Variants in TFAP2D observed in about 807,000 individuals in gnomAD.
TFAP2D encodes transcription factor AP-2 delta.
A neutral mutation model predicts 43.6 loss-of-function variants in TFAP2D; 9 were observed. The observed-to-expected ratio is 0.21, with a 90% CI of 0.12 to 0.36. The LOEUF (loss-of-function observed/expected upper bound fraction) is 0.36, where lower values mean the gene tolerates loss of function less well. Among genes scored for constraint, TFAP2D ranks in the 10% least tolerant of loss-of-function variants. The pLI, the probability that TFAP2D is intolerant of heterozygous loss-of-function variation, is 1.00. For synonymous variants in TFAP2D, 256 were observed against 224.9 expected, an observed-to-expected ratio of 1.14 and a Z score of -1.24; for missense variants, 513 against 561.4, an observed-to-expected ratio of 0.91 and a Z score of 0.87.
rs1321330961 is a variant in TFAP2D at position 50,751,298 on chromosome 6, C to T, written c.1113C>T (p.Asp371=). ...GACCCACTCCAATTCTAGACCTTGA[C>T]ATCCAGAGACATTTAACACATTTCA... The part of the protein sequence containing the change: ...SSRPTPILDL[D]IQRHLTHFSL... Residue 371 remains aspartate (D), a synonymous_variant, in exon 7 of 8, where the codon GAC becomes GAT. Transcript: ENST00000008391. The T allele has an allele frequency of 1.2e-6, 2 of 1,611,062 alleles. No individual in the cohort carries two copies. The highest frequency in any genetic ancestry group is 1.7e-6 in the Non-Finnish European group (2 of 1,177,860).
intron 7 of TFAP2D, among the ~76,000 whole-genome samples, chr6:50,769,670 G>A (rs943605442): frequency 1.3e-5 from 2 of 152,192 alleles, no homozygotes; most frequent in African/African-American, 4.8e-5. Context: ...CAAGTACAAA[G>A]TTAAGTCAGA....
intron 5 of TFAP2D, among the ~76,000 whole-genome samples, chr6:50,731,250 A>G (rs908850527): frequency 2.6e-5 from 4 of 152,082 alleles, no homozygotes; most frequent in Admixed American, 2.6e-4. Context: ...TAATGAAACA[A>G]GATTTTATCC....
At chr6:50,721,083 G>A (rs142863146) in intron 3 of TFAP2D, among the ~76,000 whole-genome samples, 1 of 152,152 alleles carries the variant, frequency 6.6e-6, no homozygotes, top group Admixed American at 6.5e-5. Flanking sequence ...AAGCTCTTAG[G>A]TATCTCCAAA....
In TFAP2D at chr6:50,772,812, G is replaced by A. The variant is rs753353357; in HGVS notation, c.1307G>A (p.Arg436Gln). Residue 436 changes from arginine to glutamine, a missense_variant, in exon 8 of 8, where the codon CGG becomes CAG. By Grantham distance (43) the Arg-to-Gln change is conservative (BLOSUM62 1). This residue lies in a region of TFAP2D where 199 missense variants were observed against 227.9 expected (regional missense o/e 0.87). Coordinates refer to ENST00000008391, the MANE Select transcript of TFAP2D (RefSeq NM_172238.4). ...GCCAACTCGGAGAAAGCTCCCCTGC[G>A]GAAAACTTCAGAGGCTGCCGTGAAA... is the stretch of plus-strand genomic sequence containing the variant. ...GHANSEKAPL[R>Q]KTSEAAVKEG... is the part of the protein sequence containing the mutation. The A allele has an allele frequency of 8.7e-6, 14 of 1,613,968 alleles. 1 individual carries two copies. Among genetic ancestry groups the A allele is most frequent in the African/African-American group, 4.0e-5 (3 of 75,002 alleles).
At chr6:50,768,273 C>CT (rs67686384) in intron 7 of TFAP2D, among the ~76,000 whole-genome samples, 25,767 of 77,280 alleles carry the variant, frequency 0.33, 4,245 homozygotes, top group East Asian at 0.46. Context: ...TTCTAATTTT[C>CT]TTTTTTTTTT....
chr6:50,714,570 A>G (rs961165702), intron 1 of TFAP2D, among the ~76,000 whole-genome samples: 2 of 152,110 alleles, frequency 1.3e-5, no homozygotes, highest in African/African-American at 4.8e-5. Flanking sequence ...AAGTTGAACG[A>G]TTTGCACAGA....
In TFAP2D at chr6:50,715,500, C is replaced by G. The variant is rs773433929; in HGVS notation, c.424C>G (p.Arg142Gly). Residue 142 changes from arginine to glycine, a missense_variant, in exon 2 of 8, where the codon CGC becomes GGC. Physicochemically the swap from Arg to Gly is moderately radical, Grantham distance 125 (BLOSUM62 -2). Transcript: ENST00000008391. The part of the protein sequence containing the change: ...RELGCLDAYR[R>G]HDLSLMSHGS... The stretch of plus-strand genomic sequence containing the variant: ...GCTGGGCTGCCTCGATGCCTACCGC[C>G]GCCATGACCTGTCCCTCATGAGCCA... The G allele has an allele frequency of 6.2e-7, 1 of 1,613,474 alleles. No homozygotes were observed. Among genetic ancestry groups the G allele is most frequent in the East Asian group, 2.2e-5 (1 of 44,854 alleles).
intron 7 of TFAP2D, among the ~76,000 whole-genome samples, chr6:50,769,108 C>A (rs1769486333): frequency 6.6e-6 from 1 of 151,884 alleles, no homozygotes; most frequent in South Asian, 2.1e-4. Context: ...GTTGCTCAGG[C>A]TGGTCTCAAA....
intron 3 of TFAP2D, among the ~76,000 whole-genome samples, chr6:50,723,699 G>A (rs1217729057): frequency 6.7e-6 from 1 of 149,878 alleles, no homozygotes; most frequent in Non-Finnish European, 1.5e-5. Context: ...TGTGGGCGTT[G>A]GGGGTTGTAG....
At chr6:50,724,821 C>T (rs1768782757) in intron 3 of TFAP2D, among the ~76,000 whole-genome samples, 1 of 151,870 alleles carries the variant, frequency 6.6e-6, no homozygotes, top group South Asian at 2.1e-4. Flanking sequence ...GCAGTTCACA[C>T]CCTGCAACGG....
intron 7 of TFAP2D, among the ~76,000 whole-genome samples, chr6:50,757,204 G>T (rs1361594136): frequency 6.7e-6 from 1 of 148,734 alleles, no homozygotes; most frequent in Non-Finnish European, 1.5e-5. Context: ...ATGACTAGAG[G>T]ATTATCCCAT....
At chr6:50,721,124 T>G (rs1288054095) in intron 3 of TFAP2D, among the ~76,000 whole-genome samples, 3 of 152,154 alleles carry the variant, frequency 2.0e-5, no homozygotes, top group Non-Finnish European at 4.4e-5. Context: ...GCCACAGAAA[T>G]TATCTTCCTT....
chr6:50,726,991 T>C (rs1768816961), intron 3 of TFAP2D, among the ~76,000 whole-genome samples: 2 of 152,342 alleles, frequency 1.3e-5, no homozygotes, highest in South Asian at 4.1e-4. Context: ...AATTTGACGA[T>C]TGAGATTTTG....
intron 7 of TFAP2D, among the ~76,000 whole-genome samples, chr6:50,768,174 A>G (rs2113895788): frequency 6.7e-6 from 1 of 150,198 alleles, no homozygotes; most frequent in East Asian, 2.0e-4. Context: ...GAGTTTGAAG[A>G]TTTGACTATA....
intron 5 of TFAP2D, among the ~76,000 whole-genome samples, chr6:50,734,815 G>T (rs960267069): frequency 1.3e-5 from 2 of 152,012 alleles, no homozygotes; most frequent in African/African-American, 4.8e-5. Flanking sequence ...AAATTTTATG[G>T]TCTGGCACCC....
At position 50,715,588 on chromosome 6, in the gene TFAP2D, C is replaced by A. The variant is rs746205422; in HGVS notation, c.512C>A (p.Ala171Asp). ...CTGCCAGGGCCCAGCCTGGGGCTGG[C>A]CGCCGCGGGAGCAGACGACTTGCAG... ...RLLPGPSLGL[A>D]AAGADDLQGS... The change falls in exon 2 of 8, where the codon GCC (alanine) becomes GAC (aspartate). Residue 171 changes from alanine to aspartate, a missense_variant. This residue lies in a region of TFAP2D where 311 missense variants were observed against 316.2 expected (regional missense o/e 0.98). Coordinates refer to ENST00000008391, the MANE Select transcript of TFAP2D (RefSeq NM_172238.4). 21 of 1,597,842 alleles carry A rather than the reference C, an allele frequency of 1.3e-5. No individual in the cohort carries two copies. Among genetic ancestry groups the A allele is most frequent in the Admixed American group, 1.7e-5 (1 of 59,308 alleles).
intron 3 of TFAP2D, among the ~76,000 whole-genome samples, chr6:50,724,508 C>T (rs1768777448): frequency 6.6e-6 from 1 of 152,150 alleles, no homozygotes; most frequent in South Asian, 2.1e-4. Flanking sequence ...GCCCGGAAGC[C>T]CGCTAGGAAG....
chr6:50,725,050 G>A (rs1768788904), intron 3 of TFAP2D, among the ~76,000 whole-genome samples: 1 of 152,108 alleles, frequency 6.6e-6, no homozygotes, highest in African/African-American at 2.4e-5. Context: ...CTTGTAGCCC[G>A]GTACTCTTTC....
intron 7 of TFAP2D, among the ~76,000 whole-genome samples, chr6:50,760,614 G>T (rs1208116447): frequency 6.6e-6 from 1 of 151,954 alleles, no homozygotes; most frequent in Non-Finnish European, 1.5e-5. Context: ...CATTTTAAAA[G>T]TACTTGGGAC....
Sources: allele counts gnomAD v4.1 joint callset (sites outside exome capture counted in the v4.1 genomes callset), GRCh38; gene constraint gnomAD v4.1.1; regional missense constraint gnomAD v4.1.1; transcripts MANE v1.5; gene names NCBI Gene and HGNC (gene_info 2026-07-23, HGNC 2026-07-21).